L3MBTL4: variants seen among roughly 807,000 people sequenced by gnomAD.
L3MBTL4 encodes lethal(3)malignant brain tumor-like protein 4.
L3MBTL4 carries 70 observed loss-of-function variants against 84.5 expected under a neutral mutation model. That is an observed-to-expected ratio of 0.83 (90% confidence interval 0.68 to 1.01). The LOEUF is 1.01. Among genes scored for constraint, L3MBTL4 ranks in the 50% least tolerant of loss-of-function variants. L3MBTL4 has a pLI of 0.00. For missense variants in L3MBTL4, 715 were observed against 754.8 expected, an observed-to-expected ratio of 0.95 and a Z score of 0.62; for synonymous variants, 274 against 259.8, an observed-to-expected ratio of 1.05 and a Z score of -0.52.
intron 14 of L3MBTL4, among the ~76,000 whole-genome samples, chr18:6,104,965 G>A (rs1269573504): frequency 6.6e-6 from 1 of 151,458 alleles, no homozygotes; most frequent in African/African-American, 2.4e-5. Context: ...AAATCTTCAT[G>A]AAATCTTAAA....
Position 6,072,136 on chromosome 18 carries a change from A to G in L3MBTL4, c.1444+8745T>C, listed in dbSNP as rs946447736. Among the ~76,000 whole-genome samples the G allele has an allele frequency of 2.0e-5, 3 of 152,218 alleles. No homozygotes were observed. In the East Asian group the frequency reaches 5.8e-4, roughly 29 times the overall value. ...CTAATATTCTAATGTTCTAATTTTCATGAGCCTAGTAATATAGCCTAAAAA... is the reference window on the plus strand; with the variant it reads ...CTAATATTCTAATGTTCTAATTTTCGTGAGCCTAGTAATATAGCCTAAAAA... On this transcript the variant is annotated intron_variant, in intron 16 of 18. Coordinates refer to ENST00000317931, the MANE Select transcript of L3MBTL4 (RefSeq NM_001330559.2).
intron 1 of L3MBTL4, among the ~76,000 whole-genome samples, chr18:6,322,520 A>AG (rs1373910665): frequency 6.6e-6 from 1 of 151,662 alleles, no homozygotes; most frequent in East Asian, 1.9e-4. Flanking sequence ...GAAAAAAAAA[A>AG]CAAACAAACA....
rs545623447 is a variant in L3MBTL4, at chr18:6,165,934, C to T, written c.1096+5894G>A. Among the ~76,000 whole-genome samples, 5 of 152,120 alleles carry T rather than the reference C, an allele frequency of 3.3e-5. No individual in the cohort carries two copies. In the South Asian group the frequency reaches 1.0e-3, roughly 32 times the overall value. On this transcript the variant is annotated intron_variant, in intron 13 of 18. Transcript: ENST00000317931. The stretch of plus-strand genomic sequence containing the variant: ...CATCAGTGTGCTGTATTCAGGAAAC[C>T]CATCTCACGTGCAGAGACACACATA...
chr18:6,317,034 A>T (rs1009493740), intron 1 of L3MBTL4, among the ~76,000 whole-genome samples: 1 of 149,762 alleles, frequency 6.7e-6, no homozygotes, highest in African/African-American at 2.5e-5. Flanking sequence ...ATAAATGCAC[A>T]CTGTGGGGAA....
At chr18:6,365,097 A>G (rs1311952330) in intron 1 of L3MBTL4, among the ~76,000 whole-genome samples, 1 of 152,180 alleles carries the variant, frequency 6.6e-6, no homozygotes, top group Non-Finnish European at 1.5e-5. Context: ...ATTTATATGT[A>G]TAATCAATGC....
At chr18:6,342,802 T>TAA (rs58017107) in intron 1 of L3MBTL4, among the ~76,000 whole-genome samples, 4 of 151,818 alleles carry the variant, frequency 2.6e-5, no homozygotes, top group African/African-American at 9.7e-5. Flanking sequence ...GAATTTTTTT[T>TAA]AAAAAAAGAT....
chr18:6,091,622 A>G (rs2058461044), intron 15 of L3MBTL4, among the ~76,000 whole-genome samples: 1 of 152,192 alleles, frequency 6.6e-6, no homozygotes, highest in Non-Finnish European at 1.5e-5. Flanking sequence ...GCACGTAACA[A>G]TTAGTTTAAA....
chr18:6,153,261 C>T (rs1046037411), intron 13 of L3MBTL4, among the ~76,000 whole-genome samples: 2 of 152,088 alleles, frequency 1.3e-5, no homozygotes, highest in Non-Finnish European at 2.9e-5. Flanking sequence ...GTGAAAAATG[C>T]CATTGGAATT....
intron 4 of L3MBTL4, among the ~76,000 whole-genome samples, chr18:6,290,869 C>G (rs66606206): frequency 0.19 from 28,732 of 152,024 alleles, 2,853 homozygotes; most frequent in African/African-American, 0.24. Flanking sequence ...TAGACTAGAT[C>G]CTAAGTTCTA....
At chr18:6,372,020 C>T (rs2054178250) in intron 1 of L3MBTL4, among the ~76,000 whole-genome samples, 1 of 152,210 alleles carries the variant, frequency 6.6e-6, no homozygotes, top group Admixed American at 6.5e-5. Context: ...TGGGCCCCTA[C>T]ACATCTTGTC....
At chr18:6,311,532 G>C (rs1467759774) in intron 3 of L3MBTL4, 22 bp downstream of exon 3, 1 of 1,598,340 alleles carries the variant, frequency 6.3e-7, no homozygotes, top group Non-Finnish European at 8.6e-7. Context: ...TGTGAGGAAG[G>C]GTCCAGGGAT....
chr18:6,221,922 G>GGGCC (rs2046572540), intron 10 of L3MBTL4, among the ~76,000 whole-genome samples: 1 of 152,140 alleles, frequency 6.6e-6, no homozygotes, highest in South Asian at 2.1e-4. Flanking sequence ...ACATACAGAA[G>GGGCC]GGCCCTTCAT....
At chr18:6,077,985 G>T (rs969660389) in intron 16 of L3MBTL4, among the ~76,000 whole-genome samples, 1 of 151,792 alleles carries the variant, frequency 6.6e-6, no homozygotes, top group Non-Finnish European at 1.5e-5. Context: ...CCAAGATCGC[G>T]CCACTGCACT....
rs2060085342 is a variant in L3MBTL4, at chr18:6,138,203, C to T, written c.1190G>A (p.Gly397Glu). Reference protein sequence around the residue: ...IGHIRGPRYSGHHSAFGCPYS... With the variant: ...IGHIRGPRYSEHHSAFGCPYS... ...ATAAGAAAAATGTTACCTGTGATGT[C>T]CCGAATAACGTGGACCACGGATATG... Residue 397 changes from glycine (G) to glutamate (E), a missense_variant, in exon 14 of 19, where the codon GGA becomes GAA. Physicochemically the swap from Gly to Glu is moderately conservative, Grantham distance 98. Transcript: ENST00000317931. 1 of 1,609,472 alleles carries T rather than the reference C, an allele frequency of 6.2e-7. No individual in the cohort carries two copies. Among genetic ancestry groups the T allele is most frequent in the Non-Finnish European group, 8.5e-7 (1 of 1,176,684 alleles).
At chr18:6,030,561 G>T in intron 16 of L3MBTL4, 3 of 805,422 alleles carry the variant, frequency 3.7e-6, no homozygotes, top group Non-Finnish European at 4.5e-6. Context: ...ATGTACAGTG[G>T]CACGATCTCA....
intron 1 of L3MBTL4, among the ~76,000 whole-genome samples, chr18:6,324,756 G>A (rs951294297): frequency 1.3e-5 from 2 of 151,238 alleles, no homozygotes; most frequent in African/African-American, 2.4e-5. Context: ...TGGATCATCA[G>A]CCCAATCATG....
chr18:6,361,153 A>G (rs2053676986), intron 1 of L3MBTL4, among the ~76,000 whole-genome samples: 1 of 152,190 alleles, frequency 6.6e-6, no homozygotes, highest in African/African-American at 2.4e-5. Context: ...TGTGGCCTAC[A>G]ATGGGTGAAG....
At chr18:6,239,498 A>G (rs2047364768) in intron 9 of L3MBTL4, among the ~76,000 whole-genome samples, 1 of 152,166 alleles carries the variant, frequency 6.6e-6, no homozygotes, top group African/African-American at 2.4e-5. Context: ...ATATTATTTC[A>G]GATGAGGCTT....
chr18:6,111,258 G>C (rs780081363), intron 14 of L3MBTL4, among the ~76,000 whole-genome samples: 14 of 152,176 alleles, frequency 9.2e-5, no homozygotes, highest in Non-Finnish European at 1.8e-4. Context: ...TAAAATCGTG[G>C]TGATGGTTGT....
Sources: gnomAD v4.1 joint callset for allele counts (sites outside exome capture counted in the v4.1 genomes callset) on GRCh38, gnomAD v4.1.1 for gene constraint, MANE v1.5 for transcripts, NCBI Gene and HGNC (gene_info 2026-07-23, HGNC 2026-07-21) for gene names.